The following PTPRD variants were observed in gnomAD, a reference collection of about 807,000 sequenced individuals.
The protein encoded by PTPRD is receptor-type tyrosine-protein phosphatase delta.
In PTPRD, 34 loss-of-function variants were observed where a neutral mutation model predicts 214.5. The observed-to-expected ratio is 0.16, with a 90% CI of 0.12 to 0.21. PTPRD has a LOEUF of 0.21. Among genes scored for constraint, PTPRD ranks in the 10% least tolerant of loss-of-function variants. The probability of loss-of-function intolerance (pLI) is 1.00; values close to 1 mark genes in which losing one functional copy is unlikely to be tolerated. For synonymous variants in PTPRD, 1,128 were observed against 845.7 expected (o/e 1.33, Z -5.79); for missense variants, 2,545 against 2,398.7 (o/e 1.06, Z -1.27).
chr9:9,023,731 G>A (rs191672492), intron 10 of PTPRD, among the ~76,000 whole-genome samples: 11 of 151,804 alleles, frequency 7.2e-5, no homozygotes, highest in African/African-American at 2.4e-4. Context: ...TCAATATTTA[G>A]CTCCACTTAT....
intron 11 of PTPRD, among the ~76,000 whole-genome samples, chr9:9,011,114 C>T (rs1228800469): frequency 6.6e-6 from 1 of 151,972 alleles, no homozygotes; most frequent in East Asian, 1.9e-4. Flanking sequence ...TAGAGAGTGG[C>T]AATTCTAGTC....
chr9:10,303,341 A>T (rs1374168227), intron 3 of PTPRD, among the ~76,000 whole-genome samples: 1 of 152,212 alleles, frequency 6.6e-6, no homozygotes, highest in East Asian at 1.9e-4. Context: ...TAACATCACA[A>T]TTAAAAGAAC....
At chr9:10,301,624 C>T (rs554143232) in intron 3 of PTPRD, among the ~76,000 whole-genome samples, 16 of 152,034 alleles carry the variant, frequency 1.1e-4, no homozygotes, top group Admixed American at 2.0e-4. Flanking sequence ...GTGAAGCATA[C>T]ACAAGTATCA....
chr9:9,560,664 G>T (rs143108350), intron 8 of PTPRD, among the ~76,000 whole-genome samples: 2 of 152,180 alleles, frequency 1.3e-5, no homozygotes, highest in Admixed American at 6.5e-5. Flanking sequence ...CCTAGGGTCC[G>T]GTTCCAGCCC....
intron 5 of PTPRD, among the ~76,000 whole-genome samples, chr9:9,872,219 T>G (rs1349364644): frequency 6.6e-6 from 1 of 152,166 alleles, no homozygotes; most frequent in Admixed American, 6.5e-5. Context: ...GTGTAGGCTC[T>G]GAAGGCAGCC....
chr9:9,048,316 G>T (rs985420198), intron 10 of PTPRD, among the ~76,000 whole-genome samples: 5 of 152,148 alleles, frequency 3.3e-5, no homozygotes, highest in Non-Finnish European at 7.4e-5. Context: ...ATACCCAAAA[G>T]AAAGGAAATC....
intron 2 of PTPRD, among the ~76,000 whole-genome samples, chr9:10,396,284 A>G (rs2098168780): frequency 6.6e-6 from 1 of 151,944 alleles, no homozygotes; most frequent in South Asian, 2.1e-4. Flanking sequence ...TTTCCCTGAA[A>G]TCTTCTGATC....
At chr9:8,763,675 CAA>C (rs80084155) in intron 11 of PTPRD, among the ~76,000 whole-genome samples, 7 of 132,896 alleles carry the variant, frequency 5.3e-5, no homozygotes, top group Admixed American at 7.6e-5. Flanking sequence ...TTCCCTAAAA[CAA>C]AAAAAAAAAA....
intron 2 of PTPRD, among the ~76,000 whole-genome samples, chr9:10,563,722 C>T (rs535485916): frequency 1.7e-4 from 26 of 151,634 alleles, no homozygotes; most frequent in South Asian, 6.2e-4. Flanking sequence ...TTTTGCTTTA[C>T]GTGTCTAAAT....
chr9:8,427,149 A>G (rs932188554), intron 35 of PTPRD, among the ~76,000 whole-genome samples: 3 of 152,340 alleles, frequency 2.0e-5, no homozygotes, highest in African/African-American at 7.2e-5. Flanking sequence ...AATCTTTGCT[A>G]TAAAAGCGGC....
chr9:8,788,899 T>G (rs1212886040), intron 11 of PTPRD, among the ~76,000 whole-genome samples: 2 of 152,074 alleles, frequency 1.3e-5, no homozygotes, highest in African/African-American at 2.4e-5. Context: ...CATGTTATGA[T>G]GTTCTTATAT....
chr9:9,072,258 C>T (rs1230955627), intron 10 of PTPRD, among the ~76,000 whole-genome samples: 2 of 150,024 alleles, frequency 1.3e-5, no homozygotes, highest in East Asian at 3.9e-4. Context: ...GAGTCTTTCT[C>T]ACGAACAAAG....
intron 3 of PTPRD, among the ~76,000 whole-genome samples, chr9:10,129,565 A>G (rs1022433877): frequency 7.1e-6 from 1 of 140,856 alleles, no homozygotes; most frequent in Admixed American, 7.7e-5. Context: ...ATTGTCTACC[A>G]TCTCACCTAC....
chr9:9,382,197 T>C (rs1232018388), intron 9 of PTPRD, among the ~76,000 whole-genome samples: 1 of 152,150 alleles, frequency 6.6e-6, no homozygotes, highest in Non-Finnish European at 1.5e-5. Flanking sequence ...TCTTAGTTTA[T>C]AGAAACACAA....
intron 11 of PTPRD, among the ~76,000 whole-genome samples, chr9:8,829,735 G>C (rs181731308): frequency 1.3e-5 from 2 of 152,124 alleles, no homozygotes; most frequent in African/African-American, 4.8e-5. Context: ...ACAGAACAAT[G>C]AAACAACCAT....
At chr9:8,859,291 T>G (rs1308266485) in intron 11 of PTPRD, among the ~76,000 whole-genome samples, 2 of 152,326 alleles carry the variant, frequency 1.3e-5, no homozygotes, top group East Asian at 3.9e-4. Flanking sequence ...ATCCAGTTGT[T>G]GGGCTATGCA....
intron 3 of PTPRD, among the ~76,000 whole-genome samples, chr9:10,042,755 C>T (rs867546875): frequency 2.6e-4 from 40 of 151,942 alleles, no homozygotes; most frequent in African/African-American, 9.7e-4. Context: ...CTAGCATACA[C>T]TGTCCTTTTC....
chr9:9,099,304 TTATC>T (rs1330943295), intron 10 of PTPRD, among the ~76,000 whole-genome samples: 1 of 152,190 alleles, frequency 6.6e-6, no homozygotes, highest in African/African-American at 2.4e-5. Flanking sequence ...ATTTGTCTCA[TTATC>T]TATAAATATA....
chr9:10,582,921 A>G (rs1567056306), intron 2 of PTPRD, among the ~76,000 whole-genome samples: 1 of 152,242 alleles, frequency 6.6e-6, no homozygotes, highest in Non-Finnish European at 1.5e-5. Flanking sequence ...AGGGAGGAAT[A>G]AAAGTGAAAT....
Sources: allele counts gnomAD v4.1 joint callset (sites outside exome capture counted in the v4.1 genomes callset), GRCh38; gene constraint gnomAD v4.1.1; transcripts MANE v1.5; gene names NCBI Gene and HGNC (gene_info 2026-07-23, HGNC 2026-07-21).